DMRT1: variants seen among roughly 807,000 people sequenced by gnomAD.
DMRT1 encodes doublesex- and mab-3-related transcription factor 1.
DMRT1 carries 7 observed loss-of-function variants against 32.3 expected under a neutral mutation model. The observed-to-expected ratio is 0.22, with a 90% CI of 0.12 to 0.41. The LOEUF is 0.41. Among genes scored for constraint, DMRT1 ranks in the 10% least tolerant of loss-of-function variants. The pLI is 1.00. For synonymous variants in DMRT1, 278 were observed against 206.1 expected (o/e 1.35, Z -2.99); for missense variants, 625 against 500.5 (o/e 1.25, Z -2.37).
At chr9:906,031 C>CACACACACACACA (rs755850220) in intron 3 of DMRT1, among the ~76,000 whole-genome samples, 44 of 19,332 alleles carry the variant, frequency 2.3e-3, no homozygotes, top group African/African-American at 3.6e-3. Flanking sequence ...ACACACACAC[C>CACACACACACACA]CACACACACA....
At chr9:883,035 G>T (rs1816793254) in intron 2 of DMRT1, among the ~76,000 whole-genome samples, 2 of 151,798 alleles carry the variant, frequency 1.3e-5, no homozygotes, top group Admixed American at 6.6e-5. Flanking sequence ...GCCTCTCAAA[G>T]TGCTGGGATT....
intron 2 of DMRT1, among the ~76,000 whole-genome samples, chr9:857,024 T>G (rs1390770291): frequency 1.3e-5 from 2 of 152,216 alleles, no homozygotes; most frequent in African/African-American, 4.8e-5. Context: ...AGATACATGT[T>G]AATATTCAGG....
At chr9:857,080 C>T (rs1236999194) in intron 2 of DMRT1, among the ~76,000 whole-genome samples, 2 of 152,086 alleles carry the variant, frequency 1.3e-5, no homozygotes, top group African/African-American at 4.8e-5. Flanking sequence ...TTTGGGAGGC[C>T]GAGGTGGGTG....
chr9:864,800 G>T (rs1281960008), intron 2 of DMRT1, among the ~76,000 whole-genome samples: 2 of 152,156 alleles, frequency 1.3e-5, no homozygotes, highest in Admixed American at 6.6e-5. Flanking sequence ...GTGCCCGCCA[G>T]CCAGTATTCT....
At chr9:873,067 A>T (rs1436747004) in intron 2 of DMRT1, among the ~76,000 whole-genome samples, 1 of 152,214 alleles carries the variant, frequency 6.6e-6, no homozygotes, top group Non-Finnish European at 1.5e-5. Context: ...GGTAACCTTT[A>T]ACCCAGTCAA....
At chr9:907,829 ATGTG>A (rs3084903) in intron 3 of DMRT1, among the ~76,000 whole-genome samples, 2,095 of 149,510 alleles carry the variant, frequency 0.014, 28 homozygotes, top group South Asian at 0.063. Flanking sequence ...TAAAATATAT[ATGTG>A]TGTGTGTGTG....
At chr9:862,190 A>C (rs905974074) in intron 2 of DMRT1, among the ~76,000 whole-genome samples, 7 of 151,402 alleles carry the variant, frequency 4.6e-5, no homozygotes, top group East Asian at 3.9e-4. Flanking sequence ...AGATCACGCC[A>C]CTGCACTCCA....
chr9:918,344 A>C (rs775666717), intron 4 of DMRT1, among the ~76,000 whole-genome samples: 4 of 152,246 alleles, frequency 2.6e-5, no homozygotes, highest in Non-Finnish European at 5.9e-5. Flanking sequence ...GGAATAATGG[A>C]ATATTTTTTG....
Position 855,482 on chromosome 9 carries a change from A to G in DMRT1, c.538+8339A>G, listed in dbSNP as rs114141595. 5.6e-3 allele frequency among the ~76,000 whole-genome samples: 851 copies of G among 152,372 alleles called. 14 individuals carry two copies. Among genetic ancestry groups the G allele is most frequent in the African/African-American group, 0.019 (782 of 41,582 alleles). On this transcript the variant is annotated intron_variant, in intron 2 of 4. Coordinates refer to ENST00000382276, the MANE Select transcript of DMRT1 (RefSeq NM_021951.3). ...TTAATGGTCAATAAACCATTGCTGAATGAATAAATGATGGTTAAATTTGAA... is the reference window on the plus strand; with the variant it reads ...TTAATGGTCAATAAACCATTGCTGAGTGAATAAATGATGGTTAAATTTGAA...
chr9:936,183 G>A (rs189244407), intron 4 of DMRT1, among the ~76,000 whole-genome samples: 2 of 152,318 alleles, frequency 1.3e-5, no homozygotes, highest in African/African-American at 2.4e-5. Context: ...TATGAAGGAT[G>A]TGTGTTGCTT....
At position 936,679 on chromosome 9, in the gene DMRT1, G is replaced by C. The variant is rs188998804; in HGVS notation, c.967+19772G>C. Among the ~76,000 whole-genome samples the C allele has an allele frequency of 8.0e-5, 12 of 150,576 alleles. No homozygotes were observed. The East Asian group carries it at 2.3e-3, about 29-fold the overall frequency. ...GAGGCAATGAGAATCGCTTGAACCT[G>C]GGAGGCGGAAATTGCAGTGAGCCGA... On this transcript the variant is annotated intron_variant, in intron 4 of 4. Transcript: ENST00000382276.
intron 2 of DMRT1, among the ~76,000 whole-genome samples, chr9:880,432 C>T (rs956247758): frequency 1.3e-5 from 2 of 152,002 alleles, no homozygotes; most frequent in Non-Finnish European, 2.9e-5. Context: ...CATTAGTATA[C>T]TTGGGTAGCT....
chr9:914,146 T>G (rs1818088398), intron 3 of DMRT1, among the ~76,000 whole-genome samples: 1 of 152,194 alleles, frequency 6.6e-6, no homozygotes, highest in African/African-American at 2.4e-5. Context: ...GCTACCATGA[T>G]TGTCCCTTTT....
At chr9:932,075 C>G (rs1364716872) in intron 4 of DMRT1, among the ~76,000 whole-genome samples, 1 of 152,172 alleles carries the variant, frequency 6.6e-6, no homozygotes, top group African/African-American at 2.4e-5. Context: ...CGGTGGCTCT[C>G]AGAGATAGAG....
At chr9:942,936 C>T (rs922823428) in intron 4 of DMRT1, among the ~76,000 whole-genome samples, 4 of 151,866 alleles carry the variant, frequency 2.6e-5, no homozygotes, top group African/African-American at 2.4e-5. Context: ...GCAAATAAAT[C>T]GCAGAGCAGG....
chr9:841,721 G>A lies in DMRT1; in HGVS notation c.-118G>A. 1.9e-6 allele frequency: 3 copies of A among 1,542,782 alleles called. No individual in the cohort carries two copies. The highest frequency in any genetic ancestry group is 2.6e-6 in the Non-Finnish European group (3 of 1,145,506). ...CACTCCAGCTGCGCCTCCGGCTGCA[G>A]CGCACACGTCTCCTGCGCCTCCTCC... On this transcript the variant is annotated 5_prime_UTR_variant, in exon 1 of 5. Transcript: ENST00000382276.
intron 2 of DMRT1, among the ~76,000 whole-genome samples, chr9:878,053 A>G (rs1816575952): frequency 6.6e-6 from 1 of 152,240 alleles, no homozygotes; most frequent in African/African-American, 2.4e-5. Context: ...AGGAGAAATA[A>G]TTATGCATGG....
At chr9:945,495 G>A (rs1174654029) in intron 4 of DMRT1, among the ~76,000 whole-genome samples, 2 of 152,002 alleles carry the variant, frequency 1.3e-5, no homozygotes, top group South Asian at 2.1e-4. Context: ...CAGCCATTTC[G>A]TACTTTCATC....
intron 4 of DMRT1, among the ~76,000 whole-genome samples, chr9:958,637 G>A (rs1284706033): frequency 6.6e-6 from 1 of 152,130 alleles, no homozygotes; most frequent in Non-Finnish European, 1.5e-5. Context: ...AACTCTCCGG[G>A]GGTTACAGGC....
Sources: allele counts gnomAD v4.1 joint callset (sites outside exome capture counted in the v4.1 genomes callset), GRCh38; gene constraint gnomAD v4.1.1; transcripts MANE v1.5; gene names NCBI Gene and HGNC (gene_info 2026-07-23, HGNC 2026-07-21).